Variants in GNAL observed in about 807,000 individuals in gnomAD.
The protein encoded by GNAL is G protein subunit alpha L.
A neutral mutation model predicts 55.1 loss-of-function variants in GNAL; 18 were observed. The observed-to-expected ratio is 0.33, with a 90% CI of 0.23 to 0.48. The LOEUF (loss-of-function observed/expected upper bound fraction) is 0.48. Among genes scored for constraint, GNAL ranks in the 20% least tolerant of loss-of-function variants. The pLI is 0.99. For synonymous variants in GNAL, 253 were observed against 237.0 expected (o/e 1.07, Z -0.62); for missense variants, 412 against 614.1 (o/e 0.67, Z 3.48).
Position 11,752,989 on chromosome 18 carries a change from A to C in GNAL, c.449+64A>C. Reference sequence around the variant, plus strand: ...TTCGTCTCTCTCCCAGACGTCCCAAAAGTGCTTTCTCTAAACAATTTTAAT... The same window carrying C: ...TTCGTCTCTCTCCCAGACGTCCCAACAGTGCTTTCTCTAAACAATTTTAAT... On this transcript the variant is annotated intron_variant, in intron 2 of 11. Coordinates refer to ENST00000334049, the MANE Select transcript of GNAL (RefSeq NM_182978.4). The surrounding 1 kb of genome is among the most constrained non-coding windows in gnomAD (Gnocchi z 4.5). 1.1e-6 allele frequency: 1 copy of C among 922,568 alleles called. No individual in the cohort carries two copies. The highest frequency in any genetic ancestry group is 1.8e-6 in the Non-Finnish European group (1 of 568,026). 57.1% of individuals were successfully genotyped at this position (922,568 alleles called of 1,614,324 possible). A position where few individuals can be genotyped will look rare whatever the true frequency, so the allele number is the denominator to read the frequency against.
intron 4 of GNAL, among the ~76,000 whole-genome samples, chr18:11,767,324 G>A (rs8085783): frequency 0.14 from 20,804 of 151,126 alleles, 3,066 homozygotes; most frequent in African/African-American, 0.38. Context: ...ACACTTGCAT[G>A]CTTACTCTGT....
At chr18:11,852,258 TAAATTAAG>T (rs1478143361) in intron 5 of GNAL, 1 of 935,198 alleles carries the variant, frequency 1.1e-6, no homozygotes, top group Admixed American at 3.1e-5. Context: ...CCCCTCCACA[TAAATTAAG>T]AAATTCAGTA....
intron 7 of GNAL, 103 bp downstream of exon 7, chr18:11,864,709 G>A: frequency 1.2e-5 from 9 of 731,120 alleles, no homozygotes; most frequent in South Asian, 1.0e-4. Flanking sequence ...GTGCATGGCA[G>A]CCCTTTCAGG....
chr18:11,788,394 C>T (rs73401844), intron 4 of GNAL, among the ~76,000 whole-genome samples: 13,015 of 152,182 alleles, frequency 0.086, 980 homozygotes, highest in African/African-American at 0.2. Context: ...GCAGCAATGC[C>T]CTTGTTCTGT....
chr18:11,726,875 A>T (rs191884978), intron 1 of GNAL, among the ~76,000 whole-genome samples: 5 of 152,318 alleles, frequency 3.3e-5, no homozygotes, highest in Admixed American at 3.3e-4. Context: ...AGTGTTTAAG[A>T]CATAAAATCA....
intron 9 of GNAL, among the ~76,000 whole-genome samples, chr18:11,870,181 T>C (rs1598442603): frequency 6.6e-6 from 1 of 152,148 alleles, no homozygotes; most frequent in Admixed American, 6.5e-5. Flanking sequence ...TGACTCTATA[T>C]CTAGGGTTCA....
intron 1 of GNAL, among the ~76,000 whole-genome samples, chr18:11,735,210 C>G (rs988208478): frequency 6.6e-6 from 1 of 151,602 alleles, no homozygotes; most frequent in Admixed American, 6.6e-5. Flanking sequence ...ACCACCACAC[C>G]CGTCTAATTT....
Position 11,881,470 on chromosome 18 carries a change from G to GT in GNAL, c.*344dup, listed in dbSNP as rs955082996. ...GGTAGATGGGGAGAAAACACAGTTG[G>GT]TTTTTTTTTCCACGTTATCAACCGT... On this transcript the variant is annotated 3_prime_UTR_variant, in exon 12 of 12. Transcript: ENST00000334049. The surrounding 1 kb of genome is among the most constrained non-coding windows in gnomAD (Gnocchi z 4.8). 1.4e-3 allele frequency: 299 copies of GT among 209,052 alleles called. No homozygotes were observed. Among genetic ancestry groups the GT allele is most frequent in the South Asian group, 2.4e-3 (20 of 8,478 alleles). The allele number at this position is 209,052 out of a possible 1,614,324, so 12.9% of individuals were successfully genotyped here.
chr18:11,734,745 A>T lies in GNAL; in HGVS notation c.377-18108A>T, dbSNP rs575238465. 4.6e-5 allele frequency among the ~76,000 whole-genome samples: 7 copies of T among 151,642 alleles called. No homozygotes were observed. In the East Asian group the frequency reaches 1.4e-3, roughly 29 times the overall value. ...TCATTCTGTAGTTCACTCAGTAAGC[A>T]TCAATGATCTGATGAGCATGTAGGA... is the stretch of plus-strand genomic sequence containing the variant. On this transcript the variant is annotated intron_variant, in intron 1 of 11. Coordinates refer to ENST00000334049, the MANE Select transcript of GNAL (RefSeq NM_182978.4).
intron 7 of GNAL, 33 bp downstream of exon 7, chr18:11,864,639 G>C (rs758089640): frequency 5.2e-6 from 6 of 1,150,228 alleles, no homozygotes; most frequent in Admixed American, 1.7e-5. Context: ...CATGGCCCAG[G>C]GCCACATGAT....
intron 2 of GNAL, among the ~76,000 whole-genome samples, chr18:11,753,293 C>T (rs2032923566): frequency 6.6e-6 from 1 of 152,066 alleles, no homozygotes; most frequent in Non-Finnish European, 1.5e-5. Context: ...TGGGATAGAT[C>T]TAGGTAAAAT....
chr18:11,772,767 A>G (rs1293028057), intron 4 of GNAL, among the ~76,000 whole-genome samples: 1 of 152,156 alleles, frequency 6.6e-6, no homozygotes, highest in Non-Finnish European at 1.5e-5. Flanking sequence ...CTGCATTTAT[A>G]CAGCGGAGTT....
At chr18:11,852,613 GTT>G (rs59761845) in intron 5 of GNAL, 141,459 of 152,938 alleles carry the variant, frequency 0.92, 65,472 homozygotes, top group East Asian at 0.99. Flanking sequence ...TTTGGTTTTT[GTT>G]TTTTTTTTTT....
At chr18:11,766,038 T>C (rs2143223658) in intron 4 of GNAL, among the ~76,000 whole-genome samples, 1 of 152,294 alleles carries the variant, frequency 6.6e-6, no homozygotes, top group South Asian at 2.1e-4. Context: ...ATTTTGAACG[T>C]CTTAGCACTC....
intron 10 of GNAL, among the ~76,000 whole-genome samples, 177 bp downstream of exon 10, chr18:11,872,575 G>A (rs1440962632): frequency 6.6e-6 from 1 of 152,026 alleles, no homozygotes; most frequent in Non-Finnish European, 1.5e-5. Context: ...ATTTGTAATC[G>A]GATCCCATTT....
chr18:11,710,910 C>T (rs867943540), intron 1 of GNAL, among the ~76,000 whole-genome samples: 2 of 151,884 alleles, frequency 1.3e-5, no homozygotes, highest in South Asian at 4.1e-4. Context: ...GAGTCTCGCT[C>T]TGTTATCCAG....
At chr18:11,831,951 T>G (rs546424395) in intron 5 of GNAL, among the ~76,000 whole-genome samples, 42 of 152,338 alleles carry the variant, frequency 2.8e-4, no homozygotes, top group African/African-American at 1.0e-3. Flanking sequence ...AATACTGTGT[T>G]TTCTGTAAAA....
At chr18:11,782,539 G>GT (rs1568024665) in intron 4 of GNAL, among the ~76,000 whole-genome samples, 2 of 152,138 alleles carry the variant, frequency 1.3e-5, no homozygotes, top group South Asian at 2.1e-4. Context: ...AATGATAGTC[G>GT]TAACATTCAG....
At chr18:11,701,331 C>G (rs375735079) in intron 1 of GNAL, among the ~76,000 whole-genome samples, 10 of 152,164 alleles carry the variant, frequency 6.6e-5, no homozygotes, top group East Asian at 5.8e-4. Context: ...TGGCTCACAC[C>G]TGTAATCCTA....
Sources: allele counts gnomAD v4.1 joint callset (sites outside exome capture counted in the v4.1 genomes callset), GRCh38; gene constraint gnomAD v4.1.1; non-coding constraint Gnocchi (gnomAD v3.1); transcripts MANE v1.5; gene names NCBI Gene and HGNC (gene_info 2026-07-23, HGNC 2026-07-21).